Variants in MS4A4A observed in about 807,000 individuals in gnomAD.
The protein encoded by MS4A4A is membrane spanning 4-domains A4A.
In MS4A4A, 26 loss-of-function variants were observed where a neutral mutation model predicts 28.0. The observed-to-expected ratio is 0.93, with a 90% CI of 0.68 to 1.29. The LOEUF (loss-of-function observed/expected upper bound fraction) is 1.29. Among genes scored for constraint, MS4A4A ranks in the 50% most tolerant of loss-of-function variants. The pLI is 0.00. For synonymous variants in MS4A4A, 86 were observed against 100.8 expected, an observed-to-expected ratio of 0.85 and a Z score of 0.88; for missense variants, 290 against 293.1, an observed-to-expected ratio of 0.99 and a Z score of 0.08.
intron 2 of MS4A4A, among the ~76,000 whole-genome samples, chr11:60,296,624 G>A (rs1323014409): frequency 1.3e-5 from 2 of 152,030 alleles, no homozygotes; most frequent in Admixed American, 6.6e-5. Context: ...CTTCCTCTAA[G>A]CATTGCTTTC....
At chr11:60,304,802 G>A (rs2084983678) in intron 5 of MS4A4A, among the ~76,000 whole-genome samples, 2 of 152,206 alleles carry the variant, frequency 1.3e-5, no homozygotes, top group Admixed American at 1.3e-4. Flanking sequence ...TTTACAGAAA[G>A]CTTGCCGTCT....
At chr11:60,303,834 G>A (rs892514922) in intron 5 of MS4A4A, among the ~76,000 whole-genome samples, 1 of 152,162 alleles carries the variant, frequency 6.6e-6, no homozygotes, top group South Asian at 2.1e-4. Context: ...CTTCGCTTAT[G>A]TAAACGTGGA....
intron 2 of MS4A4A, among the ~76,000 whole-genome samples, chr11:60,294,878 G>C (rs2084888966): frequency 1.0e-5 from 1 of 95,290 alleles, no homozygotes; most frequent in East Asian, 3.4e-4. Flanking sequence ...GGTAGTGTTA[G>C]TCCTACAACT....
chr11:60,307,192 A>C (rs2085010624), intron 6 of MS4A4A, among the ~76,000 whole-genome samples: 1 of 152,244 alleles, frequency 6.6e-6, no homozygotes, highest in Non-Finnish European at 1.5e-5. Context: ...TAGTTTGATG[A>C]GACGGTTCTT....
chr11:60,301,173 G>A (rs1489865800), intron 4 of MS4A4A, 116 bp downstream of exon 4: 4 of 833,160 alleles, frequency 4.8e-6, no homozygotes, highest in African/African-American at 1.8e-5. Flanking sequence ...AGGAGCGATT[G>A]TGCATTTTAC....
At chr11:60,288,589 G>C (rs897431293) in intron 1 of MS4A4A, among the ~76,000 whole-genome samples, 8 of 152,106 alleles carry the variant, frequency 5.3e-5, no homozygotes, top group African/African-American at 1.9e-4. Flanking sequence ...TTGAAATTTT[G>C]GTTCCAGAGC....
intron 4 of MS4A4A, 149 bp from the exon 5 acceptor site, chr11:60,302,410 T>C (rs549584135): frequency 2.5e-5 from 20 of 800,866 alleles, no homozygotes; most frequent in Middle Eastern, 7.4e-4. Flanking sequence ...GAGATTAGAG[T>C]TGAAACCACA....
At chr11:60,296,271 A>G (rs1443906079) in intron 2 of MS4A4A, among the ~76,000 whole-genome samples, 1 of 152,020 alleles carries the variant, frequency 6.6e-6, no homozygotes, top group Non-Finnish European at 1.5e-5. Context: ...TGTTCATAAC[A>G]TTATTTTATT....
intron 1 of MS4A4A, among the ~76,000 whole-genome samples, chr11:60,286,294 G>A (rs1057317934): frequency 5.9e-5 from 9 of 152,274 alleles, no homozygotes; most frequent in African/African-American, 1.7e-4. Flanking sequence ...TCACAGGGTC[G>A]TGAGGCAACG....
intron 1 of MS4A4A, 22 bp from the exon 2 acceptor site, chr11:60,292,203 T>C: frequency 6.6e-7 from 1 of 1,521,074 alleles, no homozygotes. Context: ...GACATCATAC[T>C]AAATTACATT....
chr11:60,291,804 A>AC (rs1308342434), intron 1 of MS4A4A, among the ~76,000 whole-genome samples: 2 of 151,586 alleles, frequency 1.3e-5, no homozygotes, highest in African/African-American at 4.8e-5. Context: ...CTCAAAAAAA[A>AC]AAAACAAAAA....
chr11:60,286,735 T>C (rs146220187), intron 1 of MS4A4A, among the ~76,000 whole-genome samples: 1 of 152,338 alleles, frequency 6.6e-6, no homozygotes, highest in East Asian at 1.9e-4. Flanking sequence ...CATGGAACAG[T>C]CCATCCCTTA....
intron 2 of MS4A4A, among the ~76,000 whole-genome samples, chr11:60,294,892 A>ACTACTACTACTTCTTCTTCTTCTT (rs60374079): frequency 1.7e-4 from 22 of 130,934 alleles, no homozygotes; most frequent in South Asian, 1.5e-3. Flanking sequence ...TACAACTACT[A>ACTACTACTACTTCTTCTTCTTCTT]CTTCTTCTTC....
intron 2 of MS4A4A, among the ~76,000 whole-genome samples, chr11:60,292,636 T>C (rs909432128): frequency 3.3e-5 from 5 of 152,204 alleles, no homozygotes; most frequent in Admixed American, 2.6e-4. Context: ...GATAATTGTA[T>C]TTAAACTCAG....
At chr11:60,286,968 T>C (rs935975488) in intron 1 of MS4A4A, among the ~76,000 whole-genome samples, 1 of 152,248 alleles carries the variant, frequency 6.6e-6, no homozygotes, top group Non-Finnish European at 1.5e-5. Context: ...TGCTCTGGTC[T>C]ACCTTTGTGA....
Position 60,280,685 on chromosome 11 carries a change from A to T in MS4A4A, c.10A>T (p.Thr4Ser). 1 of 1,613,638 alleles carries T rather than the reference A, an allele frequency of 6.2e-7. No homozygotes were observed. The highest frequency in any genetic ancestry group is 1.3e-5 in the African/African-American group (1 of 75,016). MHQTYSRHCRPEES... is the reference protein window; with the variant it reads MHQSYSRHCRPEES... ...TTGCCCAGAGCCCTGCATGCATCAGACCTACAGCAGACATTGCAGGCCTGA... is the reference window on the plus strand; with the variant it reads ...TTGCCCAGAGCCCTGCATGCATCAGTCCTACAGCAGACATTGCAGGCCTGA... The change falls in exon 1 of 7, where the codon ACC (threonine) becomes TCC (serine). Residue 4 changes from threonine to serine, a missense_variant. Thr to Ser is a moderately conservative substitution (Grantham distance 58). Coordinates refer to ENST00000337908, the MANE Select transcript of MS4A4A (RefSeq NM_148975.3).
rs2084997766 is a variant in MS4A4A, at chr11:60,306,136, G to A, written c.583G>A (p.Glu195Lys). ...DGMVLLLSVL[E>K]FCIAVSLSAF... ...CATGGTGCTCCTCCTAAGTGTGCTG[G>A]AATTCTGCATTGCTGTGTCCCTCTC... The change falls in exon 6 of 7, where the codon GAA becomes AAA. Residue 195 changes from glutamate (E) to lysine (K), a missense_variant. Glu to Lys is a moderately conservative substitution (Grantham distance 56, BLOSUM62 1). Coordinates refer to ENST00000337908, the MANE Select transcript of MS4A4A (RefSeq NM_148975.3). 3 of 1,614,044 alleles carry A rather than the reference G, an allele frequency of 1.9e-6. No homozygotes were observed. The highest frequency in any genetic ancestry group is 4.5e-5 in the East Asian group (2 of 44,886).
chr11:60,294,889 A>ACTTCTTCTTCTTCTTCTT (rs1238058277), intron 2 of MS4A4A, among the ~76,000 whole-genome samples: 44 of 29,964 alleles, frequency 1.5e-3, no homozygotes, highest in African/African-American at 2.9e-3. Flanking sequence ...TCCTACAACT[A>ACTTCTTCTTCTTCTTCTT]CTACTTCTTC....
At chr11:60,287,538 T>C (rs900986173) in intron 1 of MS4A4A, among the ~76,000 whole-genome samples, 1 of 152,200 alleles carries the variant, frequency 6.6e-6, no homozygotes, top group Admixed American at 6.5e-5. Context: ...AGAGGGGACA[T>C]TGAAACCATA....
Sources: allele counts gnomAD v4.1 joint callset (sites outside exome capture counted in the v4.1 genomes callset), GRCh38; gene constraint gnomAD v4.1.1; transcripts MANE v1.5; gene names NCBI Gene and HGNC (gene_info 2026-07-23, HGNC 2026-07-21).